Variants in KLF12 observed in about 807,000 individuals in gnomAD.
The protein encoded by KLF12 is KLF transcription factor 12, also known as Krueppel-like factor 12.
Under a neutral mutation model 37.8 loss-of-function variants are expected in KLF12, and 9 were observed. That is an observed-to-expected ratio of 0.24 (90% CI 0.14 to 0.42). KLF12 has a LOEUF of 0.42. Among genes scored for constraint, KLF12 ranks in the 10% least tolerant of loss-of-function variants. The pLI, the probability that KLF12 is intolerant of heterozygous loss-of-function variation, is 1.00. For synonymous variants in KLF12, 208 were observed against 202.1 expected, an observed-to-expected ratio of 1.03 and a Z score of -0.25; for missense variants, 411 against 516.0, an observed-to-expected ratio of 0.80 and a Z score of 1.97.
At chr13:74,018,756 C>T (rs989755618) in intron 1 of KLF12, among the ~76,000 whole-genome samples, 1 of 152,122 alleles carries the variant, frequency 6.6e-6, no homozygotes, top group Non-Finnish European at 1.5e-5. Flanking sequence ...ATAATTTCCA[C>T]AAGGCAAATT....
At chr13:73,943,952 G>C in intron 3 of KLF12, 29 bp downstream of exon 3, 1 of 1,372,500 alleles carries the variant, frequency 7.3e-7, no homozygotes, top group Non-Finnish European at 1.0e-6. Flanking sequence ...ATCAAAAGGA[G>C]TGGGGCATTG....
intron 5 of KLF12, among the ~76,000 whole-genome samples, chr13:73,796,539 G>C (rs904895329): frequency 7.2e-6 from 1 of 139,246 alleles, no homozygotes; most frequent in Non-Finnish European, 1.6e-5. Flanking sequence ...GTGTGTGTGT[G>C]TGTGTGTGTT....
At chr13:74,027,634 C>G (rs1403934177) in intron 1 of KLF12, among the ~76,000 whole-genome samples, 10 of 152,150 alleles carry the variant, frequency 6.6e-5, no homozygotes, top group African/African-American at 2.4e-4. Flanking sequence ...GTTTCTAATT[C>G]TACATGTAGT....
rs1370632380 is a variant in KLF12 at position 74,082,176 on chromosome 13, A to AAAAAAAAAAAAC, written c.-32+51562_-32+51563insGTTTTTTTTTTT. ...GACCCTGTCTCTTAAAAAAAAAAAA[A>AAAAAAAAAAAAC]AACAAAGTTAGCCAGGTGTGGTGGT... On this transcript the variant is annotated intron_variant, in intron 1 of 7. Coordinates refer to ENST00000377669, the MANE Select transcript of KLF12 (RefSeq NM_007249.5). Among the ~76,000 whole-genome samples, 5 of 150,914 alleles carry AAAAAAAAAAAAC rather than the reference A, an allele frequency of 3.3e-5. No homozygotes were observed. The East Asian group carries it at 9.8e-4, about 30-fold the overall frequency.
At chr13:73,890,709 A>G (rs1198057682) in intron 3 of KLF12, among the ~76,000 whole-genome samples, 1 of 151,938 alleles carries the variant, frequency 6.6e-6, no homozygotes, top group Non-Finnish European at 1.5e-5. Context: ...CTTGAAAGAG[A>G]TAAGTTTAAA....
At chr13:73,958,465 AC>A (rs1890917376) in intron 2 of KLF12, among the ~76,000 whole-genome samples, 1 of 151,500 alleles carries the variant, frequency 6.6e-6, no homozygotes, top group Non-Finnish European at 1.5e-5. Flanking sequence ...CTGGACTTGA[AC>A]TCCTGACATA....
At chr13:74,026,619 C>T (rs1892981896) in intron 1 of KLF12, among the ~76,000 whole-genome samples, 1 of 152,108 alleles carries the variant, frequency 6.6e-6, no homozygotes. Context: ...TAGTACATTT[C>T]TGTTACATGT....
the KLF12 span, among the ~76,000 whole-genome samples, chr13:74,268,659 G>A: frequency 4.6e-5 from 7 of 152,128 alleles, no homozygotes; most frequent in Non-Finnish European, 1.0e-4. Context: ...ATTTCTCTCA[G>A]AGATAGATAA....
At chr13:74,257,156 G>GA in the KLF12 span, 1 of 152,336 alleles carries the variant, frequency 6.6e-6, no homozygotes, top group African/African-American at 2.4e-5. Context: ...GGGAATTAGA[G>GA]ATTGGCTGTT....
chr13:74,033,669 C>CA (rs944481593), intron 1 of KLF12, among the ~76,000 whole-genome samples: 34 of 152,252 alleles, frequency 2.2e-4, no homozygotes, highest in African/African-American at 7.9e-4. Context: ...ATCAATGTGC[C>CA]ACATTTATGT....
rs368361007 is a variant in KLF12, at chr13:73,844,913, A to T, written c.670+914T>A. The T allele has an allele frequency of 9.2e-5, 14 of 152,328 alleles. No individual in the cohort carries two copies. In the East Asian group the frequency reaches 2.5e-3, roughly 27 times the overall value. 9.4% of individuals were successfully genotyped at this position (152,328 alleles called of 1,614,324 possible). On this transcript the variant is annotated intron_variant, in intron 4 of 7. Coordinates refer to ENST00000377669, the MANE Select transcript of KLF12 (RefSeq NM_007249.5). ...ATATTATTTACTTTAAAAGGGAATA[A>T]GTCAATGATTATGGGCATTCTGCAT...
intron 4 of KLF12, among the ~76,000 whole-genome samples, chr13:73,839,374 A>C (rs1015465104): frequency 1.8e-4 from 27 of 151,604 alleles, no homozygotes; most frequent in African/African-American, 6.3e-4. Flanking sequence ...AAGTGCTGGG[A>C]ATACGGGCAT....
intron 2 of KLF12, among the ~76,000 whole-genome samples, chr13:73,949,657 TGCCTCTCA>T (rs1053707903): frequency 5.3e-5 from 8 of 152,246 alleles, no homozygotes; most frequent in African/African-American, 1.9e-4. Context: ...TCAGGACAGA[TGCCTCTCA>T]GCATTACATT....
chr13:73,856,247 C>T (rs1885602052), intron 3 of KLF12, among the ~76,000 whole-genome samples: 2 of 152,226 alleles, frequency 1.3e-5, no homozygotes, highest in African/African-American at 4.8e-5. Context: ...GCCACAGCTT[C>T]TGCTAATCAG....
the KLF12 span, among the ~76,000 whole-genome samples, chr13:74,188,945 T>G: frequency 6.6e-6 from 1 of 152,076 alleles, no homozygotes; most frequent in South Asian, 2.1e-4. Flanking sequence ...TGCAGTGAGC[T>G]GACATTGAGC....
At chr13:73,887,322 C>G (rs1233156833) in intron 3 of KLF12, among the ~76,000 whole-genome samples, 1 of 152,048 alleles carries the variant, frequency 6.6e-6, no homozygotes, top group Non-Finnish European at 1.5e-5. Flanking sequence ...AAATGCAATC[C>G]TCAATGTTAG....
rs531352768 is a variant in KLF12 at position 74,003,671 on chromosome 13, A to C, written c.-31-8618T>G. Among the ~76,000 whole-genome samples, 19 of 152,306 alleles carry C rather than the reference A, an allele frequency of 1.2e-4. No individual in the cohort carries two copies. The South Asian group carries it at 3.9e-3, about 32-fold the overall frequency. On this transcript the variant is annotated intron_variant, in intron 1 of 7. Transcript: ENST00000377669. ...TTGATATTTCTGACACTGCTGGCCA[A>C]AGATCAAATATTGCACAGTATTTAT...
chr13:73,951,154 A>G (rs911003704), intron 2 of KLF12, among the ~76,000 whole-genome samples: 2 of 152,274 alleles, frequency 1.3e-5, no homozygotes, highest in Admixed American at 1.3e-4. Context: ...TATAATAACA[A>G]TAACATTTAT....
the KLF12 span, among the ~76,000 whole-genome samples, chr13:74,283,809 C>T: frequency 3.3e-5 from 5 of 151,834 alleles, no homozygotes; most frequent in Non-Finnish European, 7.4e-5. Context: ...TACTATTTCA[C>T]TGAGACTGAG....
Sources: gnomAD v4.1 joint callset for allele counts (sites outside exome capture counted in the v4.1 genomes callset) on GRCh38, gnomAD v4.1.1 for gene constraint, MANE v1.5 for transcripts, NCBI Gene and HGNC (gene_info 2026-07-23, HGNC 2026-07-21) for gene names.